Variants in HSF1 observed in about 807,000 individuals in gnomAD.
HSF1 encodes the protein heat shock factor protein 1.
HSF1 carries 32 observed loss-of-function variants against 51.7 expected under a neutral mutation model. The ratio of observed to expected loss-of-function variants is 0.62; its 90% CI spans 0.47 to 0.83. HSF1 has a LOEUF of 0.83. Ranked by LOEUF, HSF1 falls within the 40% of genes least tolerant of loss-of-function variation. HSF1 has a pLI of 0.00. For synonymous variants in HSF1, 396 were observed against 309.7 expected (o/e 1.28, Z -2.92); for missense variants, 727 against 717.0 (o/e 1.01, Z -0.16).
At chr8:144,313,006 A>G in intron 9 of HSF1, 1 of 510,222 alleles carries the variant, frequency 2.0e-6, no homozygotes, top group South Asian at 2.2e-5. Context: ...CAGGGTCTCC[A>G]GGGCACCTCT....
chr8:144,298,611 A>G (rs1815646055), intron 1 of HSF1, among the ~76,000 whole-genome samples: 1 of 145,878 alleles, frequency 6.9e-6, no homozygotes, highest in Non-Finnish European at 1.5e-5. Flanking sequence ...AAAAAAAAAA[A>G]GAAAGAAAAG....
chr8:144,299,890 CAG>C (rs1454881686), intron 1 of HSF1, among the ~76,000 whole-genome samples: 1 of 152,066 alleles, frequency 6.6e-6, no homozygotes, highest in Non-Finnish European at 1.5e-5. Flanking sequence ...GCCTGGGTGA[CAG>C]AGCGAGACCC....
intron 9 of HSF1, 196 bp from the exon 10 acceptor site, chr8:144,313,315 A>G: frequency 1.8e-6 from 1 of 556,406 alleles, no homozygotes; most frequent in Admixed American, 3.2e-5. Context: ...GCATAGGCCC[A>G]GCCGCACCCC....
intron 1 of HSF1, among the ~76,000 whole-genome samples, chr8:144,307,594 G>A (rs1442869356): frequency 2.0e-5 from 3 of 152,066 alleles, no homozygotes; most frequent in Non-Finnish European, 4.4e-5. Context: ...ACAGAAATGA[G>A]CCGGGCGTGG....
In HSF1 at chr8:144,312,105, C is replaced by A. The variant is rs781945100; in HGVS notation, c.1003C>A (p.Leu335Met). ...LSPTALIDSI[L>M]RESEPAPASV... ...CCCGACCGCCCTCATTGACTCCATCCTGCGGGAGAGTGAACCTGCCCCCGC... is the reference window on the plus strand; with the variant it reads ...CCCGACCGCCCTCATTGACTCCATCATGCGGGAGAGTGAACCTGCCCCCGC... Residue 335 changes from leucine to methionine, a missense_variant, in exon 9 of 13, where the codon CTG becomes ATG. Leu to Met is a conservative substitution (Grantham distance 15). This residue lies in a region of HSF1 where 470 missense variants were observed against 398.8 expected (regional missense o/e 1.18). Transcript: ENST00000528838. 4.3e-6 allele frequency: 7 copies of A among 1,612,486 alleles called. No individual in the cohort carries two copies. Among genetic ancestry groups the A allele is most frequent in the Non-Finnish European group, 5.9e-6 (7 of 1,179,838 alleles).
At chr8:144,308,212 G>A (rs1301193733) in intron 1 of HSF1, among the ~76,000 whole-genome samples, 1 of 152,034 alleles carries the variant, frequency 6.6e-6, no homozygotes, top group African/African-American at 2.4e-5. Context: ...CCCCTTCCCC[G>A]CCGTGTGGGC....
rs782430263 is a variant in HSF1 at position 144,309,796 on chromosome 8, A to T, written c.388A>T (p.Ile130Leu). 1 of 1,613,822 alleles carries T rather than the reference A, an allele frequency of 6.2e-7. No individual in the cohort carries two copies. The highest frequency in any genetic ancestry group is 8.5e-7 in the Non-Finnish European group (1 of 1,179,972). Residue 130 changes from isoleucine to leucine, a missense_variant, in exon 4 of 13, where the codon ATA becomes TTA. This residue lies in a region of HSF1 where 257 missense variants were observed against 318.3 expected (regional missense o/e 0.81). Transcript: ENST00000528838. ...GGTGTCCACCCTGAAGAGTGAAGAC[A>T]TAAAGATCCGCCAGGACAGCGTCAC... ...TSVSTLKSED[I>L]KIRQDSVTKL...
At position 144,297,418 on chromosome 8, in the gene HSF1, G is replaced by A. The variant is rs1554841464; in HGVS notation, c.117+5544G>A. ...ACGAGATGTGATGAGAGATGAGGGC[G>A]ATTGTGCTGCTCTTGGTCCTTGTGT... On this transcript the variant is annotated intron_variant, in intron 1 of 12. Transcript: ENST00000528838. This position sits in a 1 kb window ranked among gnomAD's most constrained non-coding sequence, Gnocchi z 4.6. 6.6e-6 allele frequency among the ~76,000 whole-genome samples: 1 copy of A among 152,202 alleles called. No individual in the cohort carries two copies.
chr8:144,291,843 C>G lies in HSF1; in HGVS notation c.86C>G (p.Pro29Arg). Residue 29 changes from proline to arginine, a missense_variant, in exon 1 of 13, where the codon CCG becomes CGG. Pro to Arg is a moderately radical substitution (Grantham distance 103). Coordinates refer to ENST00000528838, the MANE Select transcript of HSF1 (RefSeq NM_005526.4). The surrounding 1 kb of genome is among the most constrained non-coding windows in gnomAD (Gnocchi z 4.1). ...LTKLWTLVSD[P>R]DTDALICWSP... ...AAGCTGTGGACCCTCGTGAGCGACC[C>G]GGACACCGACGCGCTCATCTGCTGG... The G allele has an allele frequency of 6.5e-7, 1 of 1,548,896 alleles. No homozygotes were observed. The highest frequency in any genetic ancestry group is 8.7e-7 in the Non-Finnish European group (1 of 1,152,982).
chr8:144,312,796 G>GC, intron 9 of HSF1: 13 of 1,285,416 alleles, frequency 1.0e-5, no homozygotes, highest in Non-Finnish European at 1.4e-5. Flanking sequence ...ACCCAGCCTG[G>GC]CCGGGCATGA....
At chr8:144,296,988 G>A (rs1247805434) in intron 1 of HSF1, among the ~76,000 whole-genome samples, 1 of 152,066 alleles carries the variant, frequency 6.6e-6, no homozygotes, top group Admixed American at 6.6e-5. Context: ...GTGGCCTCCT[G>A]GGGGGAGGCA....
chr8:144,313,435 A>T (rs1816823346), intron 9 of HSF1, 76 bp from the exon 10 acceptor site: 1 of 949,916 alleles, frequency 1.1e-6, no homozygotes, highest in Non-Finnish European at 1.7e-6. Flanking sequence ...AGTCAAGGGG[A>T]GCCCTTCTCC....
chr8:144,314,387 T>G lies in HSF1; in HGVS notation c.*57T>G. ...CCCCACCCCCAGTGCAGGGCTGGTC[T>G]TGGGGAGGCAGGGCAGCCTCGCGGT... On this transcript the variant is annotated 3_prime_UTR_variant, in exon 13 of 13. Transcript: ENST00000528838. The G allele has an allele frequency of 3.4e-6, 5 of 1,464,234 alleles. No individual in the cohort carries two copies. The highest frequency in any genetic ancestry group is 4.6e-6 in the Non-Finnish European group (5 of 1,076,680). The allele number at this position is 1,464,234 out of a possible 1,614,324, so 90.7% of individuals were successfully genotyped here.
chr8:144,308,906 A>G lies in HSF1; in HGVS notation c.118A>G (p.Ser40Gly), dbSNP rs1032904767. ...DTDALICWSP[S>G]GNSFHVFDQG... Reference sequence around the variant, plus strand: ...ACCCACCCATGTGTCTCCCTTTCAGAGCGGGAACAGCTTCCACGTGTTCGA... The same window carrying G: ...ACCCACCCATGTGTCTCCCTTTCAGGGCGGGAACAGCTTCCACGTGTTCGA... Residue 40 changes from serine (S) to glycine (G), a missense_variant and splice_region_variant, in exon 2 of 13, where the codon AGC (serine) becomes GGC (glycine). Coordinates refer to ENST00000528838, the MANE Select transcript of HSF1 (RefSeq NM_005526.4). 6.2e-7 allele frequency: 1 copy of G among 1,613,726 alleles called. No homozygotes were observed.
chr8:144,314,148 G>T lies in HSF1; in HGVS notation c.1408G>T (p.Ala470Ser), dbSNP rs781960586. 7.1e-7 allele frequency: 1 copy of T among 1,399,154 alleles called. No individual in the cohort carries two copies. The highest frequency in any genetic ancestry group is 9.5e-7 in the Non-Finnish European group (1 of 1,056,762). The allele number at this position is 1,399,154 out of a possible 1,614,324, so 86.7% of individuals were successfully genotyped here. The stretch of plus-strand genomic sequence containing the variant: ...AGGGAAGCAGCTGGTGCACTACACA[G>T]CGCAGCCGCTGTTCCTGCTGGACCC... ...DSGKQLVHYTAQPLFLLDPGS... is the reference protein window; with the variant it reads ...DSGKQLVHYTSQPLFLLDPGS... Residue 470 changes from alanine to serine, a missense_variant, in exon 13 of 13, where the codon GCG (alanine) becomes TCG (serine). Around this residue, in one of 2 missense-constraint regions of HSF1, gnomAD observed 470 missense variants for 398.8 expected, o/e 1.18. Coordinates refer to ENST00000528838, the MANE Select transcript of HSF1 (RefSeq NM_005526.4).
At position 144,297,583 on chromosome 8, in the gene HSF1, G is replaced by A. The variant is rs1364547312; in HGVS notation, c.117+5709G>A. Among the ~76,000 whole-genome samples the A allele has an allele frequency of 6.6e-6, 1 of 152,184 alleles. No homozygotes were observed. Among genetic ancestry groups the A allele is most frequent in the Non-Finnish European group, 1.5e-5 (1 of 68,032 alleles). The stretch of plus-strand genomic sequence containing the variant: ...AGCCACTTTGTCTGCACCTGCTCGC[G>A]CTTCCTGCCTGCCTCACTGCTTCCA... On this transcript the variant is annotated intron_variant, in intron 1 of 12. Transcript: ENST00000528838. This position sits in a 1 kb window ranked among gnomAD's most constrained non-coding sequence, Gnocchi z 4.6.
intron 5 of HSF1, 27 bp from the exon 6 acceptor site, chr8:144,311,294 G>T: frequency 6.2e-7 from 1 of 1,613,610 alleles, no homozygotes. Flanking sequence ...ACAAGGGCCG[G>T]GGTAACTGTG....
Position 144,309,786 on chromosome 8 carries a change from G to A in HSF1, c.378G>A (p.Lys126=). ...CGGGAATCCAGGTGTCCACCCTGAA[G>A]AGTGAAGACATAAAGATCCGCCAGG... is the stretch of plus-strand genomic sequence containing the variant. ...KRKVTSVSTL[K]SEDIKIRQDS... is the part of the protein sequence containing the mutation. Residue 126 remains lysine, a synonymous_variant, in exon 4 of 13, where the codon AAG becomes AAA. Transcript: ENST00000528838. The A allele has an allele frequency of 6.2e-7, 1 of 1,613,810 alleles. No individual in the cohort carries two copies. The highest frequency in any genetic ancestry group is 8.5e-7 in the Non-Finnish European group (1 of 1,179,986).
Position 144,314,585 on chromosome 8 carries a change from T to G in HSF1, c.*255T>G, listed in dbSNP as rs782095546. The G allele has an allele frequency of 9.1e-6, 5 of 550,708 alleles. No individual in the cohort carries two copies. The highest frequency in any genetic ancestry group is 1.6e-5 in the Non-Finnish European group (5 of 307,376). 34.1% of individuals were successfully genotyped at this position (550,708 alleles called of 1,614,324 possible). ...CCACACCTGGACTGACCCTGCAGGT[T>G]GTTCATAGTCAGAATTGTATTTTGG... On this transcript the variant is annotated 3_prime_UTR_variant, in exon 13 of 13. Coordinates refer to ENST00000528838, the MANE Select transcript of HSF1 (RefSeq NM_005526.4).
Sources: gnomAD v4.1 joint callset for allele counts (sites outside exome capture counted in the v4.1 genomes callset) on GRCh38, gnomAD v4.1.1 for gene constraint, gnomAD v4.1.1 regional missense constraint, Gnocchi (gnomAD v3.1) non-coding constraint, MANE v1.5 for transcripts, NCBI Gene and HGNC (gene_info 2026-07-23, HGNC 2026-07-21) for gene names.